The following ABCA13 variants were observed in gnomAD, a reference collection of about 807,000 sequenced individuals.
The protein encoded by ABCA13 is ATP binding cassette subfamily A member 13, also known as ATP-binding cassette sub-family A member 13.
ABCA13 carries 476 observed loss-of-function variants against 478.7 expected under a neutral mutation model. The observed-to-expected ratio is 0.99, with a 90% confidence interval of 0.92 to 1.07. ABCA13 has a LOEUF of 1.07. Ranked by LOEUF, ABCA13 falls within the 50% of genes least tolerant of loss-of-function variation. The pLI, the probability that ABCA13 is intolerant of heterozygous loss-of-function variation, is 0.00. For missense variants in ABCA13, 6,060 were observed against 5,910.6 expected, an observed-to-expected ratio of 1.03 and a Z score of -0.83; for synonymous variants, 2,252 against 2,158.9, an observed-to-expected ratio of 1.04 and a Z score of -1.20.
At chr7:48,325,688 T>TA (rs1388032737) in intron 27 of ABCA13, among the ~76,000 whole-genome samples, 5 of 152,118 alleles carry the variant, frequency 3.3e-5, no homozygotes, top group African/African-American at 1.2e-4. Flanking sequence ...ATTATTACTA[T>TA]AAAAAGGCAT....
chr7:48,456,411 A>G (rs138801962), intron 43 of ABCA13, among the ~76,000 whole-genome samples: 151 of 152,332 alleles, frequency 9.9e-4, no homozygotes, highest in African/African-American at 3.3e-3. Context: ...AAGGGCTATC[A>G]CTATTTTGAG....
chr7:48,181,966 TCACTC>T (rs1369723519), intron 1 of ABCA13, among the ~76,000 whole-genome samples: 10 of 152,120 alleles, frequency 6.6e-5, no homozygotes, highest in Admixed American at 4.6e-4. Context: ...TCCTCTTTCC[TCACTC>T]CCTGGAGTCA....
At chr7:48,499,650 A>ATCATTAT (rs1180649708) in intron 48 of ABCA13, among the ~76,000 whole-genome samples, 3 of 152,358 alleles carry the variant, frequency 2.0e-5, no homozygotes, top group Non-Finnish European at 4.4e-5. Flanking sequence ...AAGCCGGAAT[A>ATCATTAT]TAAATGATAA....
At chr7:48,529,764 C>CT (rs61385328) in intron 55 of ABCA13, among the ~76,000 whole-genome samples, 20,102 of 151,338 alleles carry the variant, frequency 0.13, 1,640 homozygotes, top group African/African-American at 0.21. Flanking sequence ...TTGACAATCT[C>CT]TTTTTTTTTA....
intron 45 of ABCA13, among the ~76,000 whole-genome samples, chr7:48,476,858 G>A (rs772001804): frequency 1.3e-5 from 2 of 152,132 alleles, no homozygotes; most frequent in Non-Finnish European, 2.9e-5. Flanking sequence ...AAAGGAAAGA[G>A]AAAGAAAACA....
Position 48,272,150 on chromosome 7 carries a change from T to C in ABCA13, c.2484T>C (p.Phe828=). The change falls in exon 17 of 62, where the codon TTT becomes TTC. Residue 828 remains phenylalanine (F), a synonymous_variant. Transcript: ENST00000435803. The stretch of plus-strand genomic sequence containing the variant: ...TGAGATTCATAGAATTAATACTTTT[T>C]GAAATTAATCCCAAATTACTAGAAT... ...NLLRFIELIL[F]EINPKLLELW... The C allele has an allele frequency of 6.2e-7, 1 of 1,613,204 alleles. No individual in the cohort carries two copies. The highest frequency in any genetic ancestry group is 8.5e-7 in the Non-Finnish European group (1 of 1,179,522).
intron 33 of ABCA13, among the ~76,000 whole-genome samples, chr7:48,372,921 T>C (rs1348237455): frequency 6.6e-6 from 1 of 152,220 alleles, no homozygotes; most frequent in Non-Finnish European, 1.5e-5. Context: ...GAGTCACTCA[T>C]CCATTTAAAA....
At chr7:48,417,309 C>A (rs1820156977) in intron 41 of ABCA13, among the ~76,000 whole-genome samples, 1 of 152,090 alleles carries the variant, frequency 6.6e-6, no homozygotes, top group Non-Finnish European at 1.5e-5. Context: ...ATCTTTTCAA[C>A]ATTTCAAAAG....
chr7:48,359,429 G>A lies in ABCA13; in HGVS notation c.10688+6942G>A, dbSNP rs922243616. 1.8e-4 allele frequency among the ~76,000 whole-genome samples: 27 copies of A among 152,084 alleles called. 1 individual carries two copies. Among genetic ancestry groups the A allele is most frequent in the African/African-American group, 2.7e-4 (11 of 41,362 alleles). On this transcript the variant is annotated intron_variant, in intron 31 of 61. Transcript: ENST00000435803. ...CTGGCTGTGTTGTGCGGAAGGCAGC[G>A]GAGACAGAGCTAGCAAGTGACAGGG... is the stretch of plus-strand genomic sequence containing the variant.
chr7:48,337,530 A>G (rs563089895), intron 28 of ABCA13, among the ~76,000 whole-genome samples: 8 of 152,254 alleles, frequency 5.3e-5, no homozygotes, highest in Non-Finnish European at 1.2e-4. Flanking sequence ...GGCACATATT[A>G]CTTGAGAATT....
chr7:48,478,155 G>A (rs1015415819), intron 45 of ABCA13, among the ~76,000 whole-genome samples: 7 of 147,850 alleles, frequency 4.7e-5, no homozygotes, highest in African/African-American at 1.7e-4. Context: ...TATATTTGTG[G>A]TTACAGCATA....
intron 45 of ABCA13, among the ~76,000 whole-genome samples, chr7:48,476,445 T>A (rs1828095508): frequency 6.6e-6 from 1 of 151,834 alleles, no homozygotes; most frequent in Non-Finnish European, 1.5e-5. Context: ...AGAAAGCAAT[T>A]CCGCTGTAAT....
intron 58 of ABCA13, among the ~76,000 whole-genome samples, chr7:48,614,898 G>C (rs1792404026): frequency 9.6e-6 from 1 of 103,668 alleles, no homozygotes; most frequent in South Asian, 4.2e-4. Flanking sequence ...GGTGGGGGGA[G>C]GGGGGAGGGA....
At chr7:48,492,853 C>G (rs528132018) in intron 48 of ABCA13, among the ~76,000 whole-genome samples, 1 of 151,952 alleles carries the variant, frequency 6.6e-6, no homozygotes, top group Non-Finnish European at 1.5e-5. Context: ...TGGTGAAACC[C>G]TGTCTGTACT....
At chr7:48,443,892 C>A (rs1046058043) in intron 42 of ABCA13, among the ~76,000 whole-genome samples, 1 of 151,812 alleles carries the variant, frequency 6.6e-6, no homozygotes, top group Non-Finnish European at 1.5e-5. Flanking sequence ...GGAGGAAACA[C>A]CCTCTTTCCT....
At chr7:48,497,216 A>C (rs1331348011) in intron 48 of ABCA13, among the ~76,000 whole-genome samples, 4 of 152,122 alleles carry the variant, frequency 2.6e-5, no homozygotes, top group Non-Finnish European at 4.4e-5. Context: ...GCTGCACTCA[A>C]CTGTGGAGCA....
rs147499501 is a variant in ABCA13, at chr7:48,457,275, C to CTATA, written c.12815+1998_12815+2001dup. Among the ~76,000 whole-genome samples the CTATA allele has an allele frequency of 6.6e-5, 10 of 151,570 alleles. No homozygotes were observed. The East Asian group carries it at 7.8e-4, about 12-fold the overall frequency. ...ACATATTGAATATATTAAGCATCAT[C>CTATA]TATATATATATAAGTGTATTTCCAC... On this transcript the variant is annotated intron_variant, in intron 43 of 61. Transcript: ENST00000435803.
At chr7:48,390,747 A>G (rs1815924153) in intron 37 of ABCA13, among the ~76,000 whole-genome samples, 1 of 152,154 alleles carries the variant, frequency 6.6e-6, no homozygotes, top group African/African-American at 2.4e-5. Context: ...GGACCCAGGC[A>G]TGGTGGTGGT....
chr7:48,310,853 C>T (rs1801673928), intron 24 of ABCA13, among the ~76,000 whole-genome samples: 1 of 152,172 alleles, frequency 6.6e-6, no homozygotes, highest in African/African-American at 2.4e-5. Flanking sequence ...GTAGGGGCAA[C>T]CTAGCTCCAA....
Sources: gnomAD v4.1 joint callset for allele counts (sites outside exome capture counted in the v4.1 genomes callset) on GRCh38, gnomAD v4.1.1 for gene constraint, MANE v1.5 for transcripts, NCBI Gene and HGNC (gene_info 2026-07-23, HGNC 2026-07-21) for gene names.